The following TBC1D5 variants were observed in gnomAD, a reference collection of about 807,000 sequenced individuals.
TBC1D5 encodes TBC1 domain family, member 5.
TBC1D5 carries 75 observed loss-of-function variants against 100.3 expected under a neutral mutation model. The observed-to-expected ratio is 0.75, with a 90% CI of 0.62 to 0.91. The LOEUF (loss-of-function observed/expected upper bound fraction) is 0.91, where lower values mean the gene tolerates loss of function less well. TBC1D5 is among the 40% of genes least tolerant of loss of function. The pLI is 0.00. For synonymous variants in TBC1D5, 323 were observed against 325.6 expected, an observed-to-expected ratio of 0.99 and a Z score of 0.09; for missense variants, 910 against 942.4, an observed-to-expected ratio of 0.97 and a Z score of 0.45.
At chr3:17,166,909 C>A (rs765526839) in exon 21 of TBC1D5, 1 of 1,607,132 alleles carries the variant, frequency 6.2e-7, no homozygotes, top group Admixed American at 1.7e-5. Flanking sequence ...ACGCAGGGAA[C>A]CTTTTAGAAT....
chr3:17,543,865 TG>T (rs1474275327), intron 2 of TBC1D5, among the ~76,000 whole-genome samples: 6 of 151,656 alleles, frequency 4.0e-5, no homozygotes, highest in Non-Finnish European at 7.4e-5. Flanking sequence ...AAAAGTTGTT[TG>T]TTTTTTTTTT....
chr3:17,482,891 G>A (rs1358558182), intron 3 of TBC1D5, among the ~76,000 whole-genome samples: 1 of 152,122 alleles, frequency 6.6e-6, no homozygotes, highest in Non-Finnish European at 1.5e-5. Context: ...CGTGCAGTTT[G>A]TAACCTGCTT....
intron 1 of TBC1D5, among the ~76,000 whole-genome samples, chr3:17,631,147 C>G (rs1172521120): frequency 1.3e-5 from 2 of 151,522 alleles, no homozygotes. Context: ...CCAATGAACA[C>G]ATGAATGTTA....
At chr3:17,617,969 G>T (rs1162670351) in intron 2 of TBC1D5, among the ~76,000 whole-genome samples, 1 of 152,216 alleles carries the variant, frequency 6.6e-6, no homozygotes, top group Non-Finnish European at 1.5e-5. Context: ...TGTTTTGGAG[G>T]AGAACAGGCG....
chr3:17,612,750 G>A (rs1385565331), intron 2 of TBC1D5, among the ~76,000 whole-genome samples: 1 of 151,458 alleles, frequency 6.6e-6, no homozygotes. Flanking sequence ...GGAAATCCTA[G>A]AAAACTGAAA....
At chr3:17,334,748 G>C (rs2087422730) in intron 13 of TBC1D5, among the ~76,000 whole-genome samples, 1 of 152,004 alleles carries the variant, frequency 6.6e-6, no homozygotes, top group African/African-American at 2.4e-5. Flanking sequence ...TAAAATACTG[G>C]TAAGTCAACT....
intron 1 of TBC1D5, among the ~76,000 whole-genome samples, chr3:17,720,915 T>C (rs542522892): frequency 7.6e-4 from 116 of 152,146 alleles, no homozygotes; most frequent in Middle Eastern, 3.4e-3. Flanking sequence ...TCTTGGTTCA[T>C]TGTAACCTCT....
chr3:17,650,086 T>C (rs372121732), intron 1 of TBC1D5, among the ~76,000 whole-genome samples: 1 of 150,902 alleles, frequency 6.6e-6, no homozygotes, highest in South Asian at 2.1e-4. Flanking sequence ...AAGTGGGAGT[T>C]AAACAATGAA....
chr3:17,265,152 G>C (rs893792722), intron 15 of TBC1D5, among the ~76,000 whole-genome samples: 4 of 152,174 alleles, frequency 2.6e-5, no homozygotes, highest in African/African-American at 9.7e-5. Context: ...GCTAGCATAT[G>C]AGAATATAAT....
At chr3:17,175,512 C>T (rs2067624669) in intron 19 of TBC1D5, among the ~76,000 whole-genome samples, 1 of 152,192 alleles carries the variant, frequency 6.6e-6, no homozygotes, top group Non-Finnish European at 1.5e-5. Flanking sequence ...AGACTTTACA[C>T]ATATTTTTAA....
intron 3 of TBC1D5, among the ~76,000 whole-genome samples, chr3:17,442,688 ACCACCAAAGT>A: frequency 6.6e-6 from 1 of 152,306 alleles, no homozygotes; most frequent in South Asian, 2.1e-4. Context: ...AATATCAACT[ACCACCAAAGT>A]CCCAGACTAA....
chr3:17,229,031 G>A (rs1257514186), intron 17 of TBC1D5, among the ~76,000 whole-genome samples: 1 of 152,094 alleles, frequency 6.6e-6, no homozygotes, highest in Non-Finnish European at 1.5e-5. Context: ...AAGGGGGTGG[G>A]CATTTTACTA....
chr3:17,213,254 C>T (rs949879003), intron 18 of TBC1D5, among the ~76,000 whole-genome samples: 2 of 152,118 alleles, frequency 1.3e-5, no homozygotes, highest in Non-Finnish European at 1.5e-5. Context: ...GTGTAGTAGG[C>T]GGTACCATGT....
intron 15 of TBC1D5, among the ~76,000 whole-genome samples, chr3:17,268,426 A>G (rs2079047757): frequency 6.6e-6 from 1 of 152,102 alleles, no homozygotes; most frequent in Non-Finnish European, 1.5e-5. Flanking sequence ...TAAAAAATGC[A>G]TAAAATAAAG....
intron 3 of TBC1D5, among the ~76,000 whole-genome samples, chr3:17,502,175 C>A (rs776758113): frequency 6.7e-6 from 1 of 149,720 alleles, no homozygotes; most frequent in Non-Finnish European, 1.5e-5. Flanking sequence ...TTTCCTAATA[C>A]TGTTGTGCCT....
intron 3 of TBC1D5, among the ~76,000 whole-genome samples, chr3:17,464,471 C>A (rs1025016961): frequency 1.3e-5 from 2 of 152,094 alleles, no homozygotes; most frequent in African/African-American, 4.8e-5. Flanking sequence ...ATAACTATTT[C>A]TTTCATGTAA....
intron 13 of TBC1D5, among the ~76,000 whole-genome samples, chr3:17,369,091 T>C (rs1005198848): frequency 2.0e-5 from 3 of 152,284 alleles, no homozygotes; most frequent in Non-Finnish European, 2.9e-5. Context: ...TTCTAGAACA[T>C]AAAATTATTC....
intron 3 of TBC1D5, among the ~76,000 whole-genome samples, chr3:17,488,436 C>T (rs1234108452): frequency 4.6e-5 from 7 of 152,152 alleles, no homozygotes; most frequent in Admixed American, 3.9e-4. Context: ...CTGTTATAAA[C>T]ATTTGTGTGC....
intron 14 of TBC1D5, among the ~76,000 whole-genome samples, chr3:17,304,834 C>A (rs1575225536): frequency 6.6e-6 from 1 of 152,252 alleles, no homozygotes; most frequent in East Asian, 1.9e-4. Flanking sequence ...CTAACGACAG[C>A]CATCCAATCT....
Sources: allele counts gnomAD v4.1 joint callset (sites outside exome capture counted in the v4.1 genomes callset), GRCh38; gene constraint gnomAD v4.1.1; transcripts MANE v1.5; gene names NCBI Gene and HGNC (gene_info 2026-07-23, HGNC 2026-07-21).